BBS9: variants seen among roughly 807,000 people sequenced by gnomAD.
The protein encoded by BBS9 is Bardet-Biedl syndrome 9.
BBS9 carries 89 observed loss-of-function variants against 117.7 expected under a neutral mutation model. The ratio of observed to expected loss-of-function variants is 0.76; its 90% confidence interval spans 0.64 to 0.90. BBS9 has a LOEUF of 0.90. Among genes scored for constraint, BBS9 ranks in the 40% least tolerant of loss-of-function variants. The pLI, the probability that BBS9 is intolerant of heterozygous loss-of-function variation, is 0.00. For synonymous variants in BBS9, 379 were observed against 370.9 expected, an observed-to-expected ratio of 1.02 and a Z score of -0.25; for missense variants, 982 against 1,042.2, an observed-to-expected ratio of 0.94 and a Z score of 0.80.
rs555509704 is a variant in BBS9, at chr7:33,524,801, T to C, written c.2299-9153T>C. Among the ~76,000 whole-genome samples, 1,103 of 152,272 alleles carry C rather than the reference T, an allele frequency of 7.2e-3. 14 individuals are homozygous for C. Among genetic ancestry groups the C allele is most frequent in the African/African-American group, 0.025 (1,044 of 41,538 alleles). On this transcript the variant is annotated intron_variant, in intron 20 of 22. Coordinates refer to ENST00000242067, the MANE Select transcript of BBS9 (RefSeq NM_198428.3). ...CTTGCCTTCTTCTAGCTTTTGAATGTGTTTGCTCTTGCTTTTCTAGTTCTT... is the reference window on the plus strand; with the variant it reads ...CTTGCCTTCTTCTAGCTTTTGAATGCGTTTGCTCTTGCTTTTCTAGTTCTT...
intron 9 of BBS9, among the ~76,000 whole-genome samples, chr7:33,280,333 C>A (rs1360193971): frequency 6.6e-6 from 1 of 152,160 alleles, no homozygotes; most frequent in Non-Finnish European, 1.5e-5. Context: ...CTCCCTCCCT[C>A]CCCACTCTTG....
At chr7:33,302,538 T>G (rs1806711278) in intron 9 of BBS9, among the ~76,000 whole-genome samples, 1 of 152,232 alleles carries the variant, frequency 6.6e-6, no homozygotes, top group African/African-American at 2.4e-5. Context: ...GAAACTGTCC[T>G]TTCCTCAATT....
rs78844809 is a variant in BBS9, at chr7:33,501,815, A to T, written c.2116-3648A>T. On this transcript the variant is annotated intron_variant, in intron 19 of 22. Coordinates refer to ENST00000242067, the MANE Select transcript of BBS9 (RefSeq NM_198428.3). ...TCCCCAGTGCCTACAGAGTTAAGTG[A>T]ATGCTTTCACTGTGACATTTTGGTT... Among the ~76,000 whole-genome samples, 40 of 152,266 alleles carry T rather than the reference A, an allele frequency of 2.6e-4. 1 individual carries two copies. The East Asian group carries it at 7.3e-3, about 28-fold the overall frequency.
Position 33,606,051 on chromosome 7 carries a change from A to G in BBS9, c.*825A>G, listed in dbSNP as rs1247240259. On this transcript the variant is annotated 3_prime_UTR_variant, in exon 23 of 23. Transcript: ENST00000242067. Reference sequence around the variant, plus strand: ...TGTGAGATTGATTTATTTAAATAAAAATATGCCTTTGCCAGTTTTGGAATG... The same window carrying G: ...TGTGAGATTGATTTATTTAAATAAAGATATGCCTTTGCCAGTTTTGGAATG... The G allele has an allele frequency of 6.6e-6, 1 of 152,168 alleles. No homozygotes were observed. Among genetic ancestry groups the G allele is most frequent in the African/African-American group, 2.4e-5 (1 of 41,446 alleles). 9.4% of individuals were successfully genotyped at this position (152,168 alleles called of 1,614,324 possible). A position where few individuals can be genotyped will look rare whatever the true frequency, so the allele number is the denominator to read the frequency against.
chr7:33,373,396 A>G (rs553092154), intron 17 of BBS9, among the ~76,000 whole-genome samples: 4 of 152,312 alleles, frequency 2.6e-5, no homozygotes, highest in Admixed American at 2.6e-4. Flanking sequence ...AATGCTGAAT[A>G]GACACATACT....
intron 21 of BBS9, among the ~76,000 whole-genome samples, chr7:33,592,615 T>G (rs1278924958): frequency 6.6e-6 from 1 of 152,138 alleles, no homozygotes; most frequent in African/African-American, 2.4e-5. Context: ...ACTCCAGAGC[T>G]GTTGTGTTCT....
At chr7:33,448,121 C>CT (rs1188107174) in intron 19 of BBS9, among the ~76,000 whole-genome samples, 9 of 152,164 alleles carry the variant, frequency 5.9e-5, no homozygotes, top group Admixed American at 5.9e-4. Context: ...TTCTGCCACT[C>CT]TGATTCTTGG....
intron 4 of BBS9, among the ~76,000 whole-genome samples, chr7:33,173,210 C>T (rs575081550): frequency 2.6e-5 from 4 of 152,234 alleles, no homozygotes; most frequent in Admixed American, 2.6e-4. Context: ...GCCTGAGGGC[C>T]TGCCTTTTAT....
At chr7:33,405,996 C>T (rs2128805324) in intron 19 of BBS9, among the ~76,000 whole-genome samples, 1 of 152,068 alleles carries the variant, frequency 6.6e-6, no homozygotes, top group East Asian at 1.9e-4. Flanking sequence ...CTATAAATTT[C>T]CCTCTACACA....
At chr7:33,158,519 A>G (rs1408234425) in intron 4 of BBS9, among the ~76,000 whole-genome samples, 3 of 152,208 alleles carry the variant, frequency 2.0e-5, no homozygotes, top group Non-Finnish European at 4.4e-5. Flanking sequence ...GTAGTTATCT[A>G]AGGAAAATTG....
intron 9 of BBS9, among the ~76,000 whole-genome samples, chr7:33,275,308 T>C (rs543866348): frequency 1.3e-5 from 2 of 152,340 alleles, no homozygotes; most frequent in African/African-American, 4.8e-5. Flanking sequence ...AAAAATAATT[T>C]AAAAGTTTTG....
intron 5 of BBS9, among the ~76,000 whole-genome samples, chr7:33,222,950 C>G (rs1378200059): frequency 1.4e-5 from 2 of 145,786 alleles, no homozygotes; most frequent in Non-Finnish European, 3.0e-5. Flanking sequence ...AAGACCCTGT[C>G]TCAAAAAAAA....
chr7:33,228,966 A>C (rs1178845610), intron 5 of BBS9, among the ~76,000 whole-genome samples: 2 of 152,168 alleles, frequency 1.3e-5, no homozygotes, highest in Non-Finnish European at 2.9e-5. Context: ...ATGAAGTTAT[A>C]ATTTGTTTTT....
At chr7:33,385,042 A>T (rs1029390276) in intron 18 of BBS9, among the ~76,000 whole-genome samples, 2 of 152,130 alleles carry the variant, frequency 1.3e-5, no homozygotes, top group Non-Finnish European at 2.9e-5. Context: ...TATTTTAAGA[A>T]ATTCTTGCTT....
intron 9 of BBS9, among the ~76,000 whole-genome samples, chr7:33,278,913 G>C (rs1407056390): frequency 6.6e-6 from 1 of 152,196 alleles, no homozygotes; most frequent in Non-Finnish European, 1.5e-5. Flanking sequence ...TGACATTGCA[G>C]TCGAGAGAGC....
At chr7:33,245,876 A>T (rs1795258427) in intron 5 of BBS9, among the ~76,000 whole-genome samples, 1 of 152,164 alleles carries the variant, frequency 6.6e-6, no homozygotes, top group African/African-American at 2.4e-5. Context: ...TACTTGGAGT[A>T]TTTGGCTGAT....
chr7:33,193,631 A>C (rs1191460006), intron 5 of BBS9, among the ~76,000 whole-genome samples: 1 of 152,036 alleles, frequency 6.6e-6, no homozygotes, highest in Non-Finnish European at 1.5e-5. Flanking sequence ...GTTGGATATC[A>C]TGCAGTGTGT....
intron 9 of BBS9, among the ~76,000 whole-genome samples, chr7:33,280,905 GTTTTTGT>G (rs1223736527): frequency 3.7e-4 from 18 of 48,772 alleles, no homozygotes; most frequent in African/African-American, 1.5e-3. Context: ...TTAATTTGTC[GTTTTTGT>G]TTTTTTTTTT....
At chr7:33,409,586 G>A (rs1240622736) in intron 19 of BBS9, among the ~76,000 whole-genome samples, 3 of 152,188 alleles carry the variant, frequency 2.0e-5, no homozygotes, top group Non-Finnish European at 2.9e-5. Context: ...CTTGGGTAAT[G>A]TGTTGCCTCC....
Sources: allele counts gnomAD v4.1 joint callset (sites outside exome capture counted in the v4.1 genomes callset), GRCh38; gene constraint gnomAD v4.1.1; transcripts MANE v1.5; gene names NCBI Gene and HGNC (gene_info 2026-07-23, HGNC 2026-07-21).